Variants in POLRMT observed in about 807,000 individuals in gnomAD.
The protein encoded by POLRMT is RNA polymerase mitochondrial, also known as DNA-directed RNA polymerase, mitochondrial.
POLRMT carries 114 observed loss-of-function variants against 132.2 expected under a neutral mutation model. The ratio of observed to expected loss-of-function variants is 0.86; its 90% CI spans 0.74 to 1.01. The LOEUF (loss-of-function observed/expected upper bound fraction) is 1.01, where lower values mean the gene tolerates loss of function less well. Among genes scored for constraint, POLRMT ranks in the 50% least tolerant of loss-of-function variants. POLRMT has a pLI of 0.00. For missense variants in POLRMT, 2,003 were observed against 1,729.1 expected (o/e 1.16, Z -2.81); for synonymous variants, 1,020 against 773.4 (o/e 1.32, Z -5.29).
In POLRMT at chr19:631,066, G is replaced by A. The variant is rs1212193416; in HGVS notation, c.194-898C>T. Among the ~76,000 whole-genome samples the A allele has an allele frequency of 4.6e-5, 7 of 152,162 alleles. No homozygotes were observed. The East Asian group carries it at 1.4e-3, about 29-fold the overall frequency. The stretch of plus-strand genomic sequence containing the variant: ...ACCAGCTACTTGGGAGGCTGAGGCA[G>A]GAGAATTGCTTGAGCCTGGGAGGCA... On this transcript the variant is annotated intron_variant, in intron 2 of 20. Transcript: ENST00000588649.
rs1984540410 is a variant in POLRMT at position 621,109 on chromosome 19, A to G, written c.2589T>C (p.Phe863=). 2.5e-6 allele frequency: 4 copies of G among 1,609,592 alleles called. No individual in the cohort carries two copies. Among genetic ancestry groups the G allele is most frequent in the Non-Finnish European group, 3.4e-6 (4 of 1,178,436 alleles). Residue 863 remains phenylalanine (F), a synonymous_variant, in exon 10 of 21, where the codon TTT becomes TTC. Transcript: ENST00000588649. ...GGATGTCATCCATCACCTCCTCCGCAAAGGCCAGGCGCTTCCGCAGCGGCT... is the reference window on the plus strand; with the variant it reads ...GGATGTCATCCATCACCTCCTCCGCGAAGGCCAGGCGCTTCCGCAGCGGCT... ...KREPLRKRLA[F]AEEVMDDILD...
chr19:622,420 T>G (rs1431353998), intron 8 of POLRMT, 47 bp from the exon 9 acceptor site: 9 of 1,499,860 alleles, frequency 6.0e-6, no homozygotes, highest in Non-Finnish European at 8.0e-6. Context: ...GCCCCTGAGC[T>G]AGATGCCCCA....
At chr19:630,194 T>C in intron 2 of POLRMT, 26 bp from the exon 3 acceptor site, 2 of 1,550,636 alleles carry the variant, frequency 1.3e-6, no homozygotes, top group South Asian at 1.2e-5. Flanking sequence ...GGCGAGGACA[T>C]GAGAGGGACC....
Position 625,274 on chromosome 19 carries a change from T to C in POLRMT, c.823-20A>G. On this transcript the variant is annotated intron_variant, in intron 3 of 20. Transcript: ENST00000588649. ...GGCACCCTGGGAGACCAAGCCAGGG[T>C]GAGGGTCTGGGGGGATGGCCCAACC... 6.2e-7 allele frequency: 1 copy of C among 1,613,012 alleles called. No homozygotes were observed. The highest frequency in any genetic ancestry group is 8.5e-7 in the Non-Finnish European group (1 of 1,179,568).
At position 621,120 on chromosome 19, in the gene POLRMT, G is replaced by A. The variant is rs779119991; in HGVS notation, c.2578C>T (p.Arg860Cys). Residue 860 changes from arginine to cysteine, a missense_variant, in exon 10 of 21, where the codon CGC becomes TGC. Arg to Cys is a radical substitution (Grantham distance 180). Coordinates refer to ENST00000588649, the MANE Select transcript of POLRMT (RefSeq NM_005035.4). The stretch of plus-strand genomic sequence containing the variant: ...ATCACCTCCTCCGCAAAGGCCAGGC[G>A]CTTCCGCAGCGGCTCCCGCTTCTTC... ...GLKKREPLRKRLAFAEEVMDD... is the reference protein window; with the variant it reads ...GLKKREPLRKCLAFAEEVMDD... The A allele has an allele frequency of 2.0e-5, 32 of 1,610,422 alleles. No homozygotes were observed. Among genetic ancestry groups the A allele is most frequent in the South Asian group, 5.5e-5 (5 of 91,006 alleles).
chr19:618,080 C>T (rs929433764), intron 17 of POLRMT: 7 of 585,664 alleles, frequency 1.2e-5, no homozygotes, highest in African/African-American at 1.9e-5. Context: ...TGCCGCCCCC[C>T]ACGCTGCTGT....
At chr19:618,646 C>T (rs1984218754) in intron 16 of POLRMT, 59 bp downstream of exon 16, 2 of 1,600,698 alleles carry the variant, frequency 1.2e-6, no homozygotes. Context: ...TGGCCGCTGT[C>T]TCCACCGTGG....
chr19:623,476 G>A lies in POLRMT; in HGVS notation c.1268C>T (p.Pro423Leu). The A allele has an allele frequency of 6.2e-7, 1 of 1,612,386 alleles. No homozygotes were observed. The highest frequency in any genetic ancestry group is 1.1e-5 in the South Asian group (1 of 91,032). The stretch of plus-strand genomic sequence containing the variant: ...TACCGCGTGCTTGACCTCCTTGCTT[G>A]GCAACGTGGGCTTCTCCACGGACAC... Reference protein sequence around the residue: ...CVVSVEKPTLPSKEVKHARKT... With the variant: ...CVVSVEKPTLLSKEVKHARKT... The change falls in exon 6 of 21, where the codon CCA (proline) becomes CTA (leucine). Residue 423 changes from proline to leucine, a missense_variant. Physicochemically the swap from Pro to Leu is moderately conservative, Grantham distance 98. Coordinates refer to ENST00000588649, the MANE Select transcript of POLRMT (RefSeq NM_005035.4).
intron 3 of POLRMT, chr19:625,482 G>A (rs970121680): frequency 4.3e-5 from 22 of 512,092 alleles, no homozygotes; most frequent in Non-Finnish European, 6.8e-5. Flanking sequence ...GGAGGTTCAC[G>A]TTCCTCTGGG....
intron 5 of POLRMT, 140 bp downstream of exon 5, chr19:624,579 G>C (rs1600579318): frequency 1.0e-6 from 1 of 977,482 alleles, no homozygotes; most frequent in East Asian, 2.7e-5. Flanking sequence ...CATCTTCTCA[G>C]AGGAGGAAGG....
At chr19:618,380 C>A (rs1984185382) in intron 17 of POLRMT, 108 bp downstream of exon 17, 1 of 842,874 alleles carries the variant, frequency 1.2e-6, no homozygotes, top group Non-Finnish European at 1.8e-6. Context: ...CAGATCCACT[C>A]TGCCCAGTCC....
At position 623,704 on chromosome 19, in the gene POLRMT, C is replaced by T. The variant is rs759414259; in HGVS notation, c.1141-101G>A. The T allele has an allele frequency of 1.3e-5, 19 of 1,408,936 alleles. No homozygotes were observed. The African/African-American group carries it at 2.0e-4, about 15-fold the overall frequency. The allele number at this position is 1,408,936 out of a possible 1,614,324, so 87.3% of individuals were successfully genotyped here. A position where few individuals can be genotyped will look rare whatever the true frequency, so the allele number is the denominator to read the frequency against. On this transcript the variant is annotated intron_variant, in intron 5 of 20. Coordinates refer to ENST00000588649, the MANE Select transcript of POLRMT (RefSeq NM_005035.4). Reference sequence around the variant, plus strand: ...GGTGCACGCGTTTCTGCGTCTCCTGCAAGTTGCTGGTGGCTATCGCTGACG... The same window carrying T: ...GGTGCACGCGTTTCTGCGTCTCCTGTAAGTTGCTGGTGGCTATCGCTGACG...
rs921737749 is a variant in POLRMT at position 629,941 on chromosome 19, T to G, written c.421A>C (p.Lys141Gln). Residue 141 changes from lysine to glutamine, a missense_variant, in exon 3 of 21, where the codon AAG becomes CAG. Coordinates refer to ENST00000588649, the MANE Select transcript of POLRMT (RefSeq NM_005035.4). ...TGGAATGGCATCTGCAGCTTCGCCT[T>G]CAACCGCTGCATACGCATCTGCTGG... ...RTQQMRMQRL[K>Q]AKLQMPFQSG... The G allele has an allele frequency of 6.2e-7, 1 of 1,613,596 alleles. No individual in the cohort carries two copies. The highest frequency in any genetic ancestry group is 8.5e-7 in the Non-Finnish European group (1 of 1,180,016).
intron 3 of POLRMT, 61 bp from the exon 4 acceptor site, chr19:625,315 CT>C: frequency 1.3e-6 from 2 of 1,599,424 alleles, no homozygotes; most frequent in Non-Finnish European, 1.7e-6. Flanking sequence ...ATCCTCCCTG[CT>C]CCCTGGAGAC....
In POLRMT at chr19:621,423, G is replaced by A. The variant is rs1180380194; in HGVS notation, c.2275C>T (p.Arg759Cys). ...TTCTGGCAGTGCGCCAGCTCACGGC[G>A]CAGCTCGGCCTTGCGGGCGGGCGCG... ...SAAPARKAELRRELAHCQKVA... is the reference protein window; with the variant it reads ...SAAPARKAELCRELAHCQKVA... Residue 759 changes from arginine (R) to cysteine (C), a missense_variant, in exon 10 of 21, where the codon CGC (arginine) becomes TGC (cysteine). Transcript: ENST00000588649. The A allele has an allele frequency of 1.5e-5, 23 of 1,485,680 alleles. No individual in the cohort carries two copies. The highest frequency in any genetic ancestry group is 2.9e-5 in the African/African-American group (2 of 68,834). 92.0% of individuals were successfully genotyped at this position (1,485,680 alleles called of 1,614,324 possible). A position where few individuals can be genotyped will look rare whatever the true frequency, so the allele number is the denominator to read the frequency against.
chr19:630,562 CCCCGCCT>C, intron 2 of POLRMT, among the ~76,000 whole-genome samples: 1 of 152,120 alleles, frequency 6.6e-6, no homozygotes, highest in East Asian at 1.9e-4. Context: ...TCCAGGTGGC[CCCCGCCT>C]CCCCTGCCCC....
intron 14 of POLRMT, 39 bp downstream of exon 14, chr19:619,171 T>A: frequency 6.2e-7 from 1 of 1,610,098 alleles, no homozygotes; most frequent in Non-Finnish European, 8.5e-7. Context: ...TCCACTTGCT[T>A]AGGGAGTCCT....
Position 629,453 on chromosome 19 carries a change from G to A in POLRMT, c.822+87C>T, listed in dbSNP as rs904758992. 20 of 1,281,962 alleles carry A rather than the reference G, an allele frequency of 1.6e-5. No homozygotes were observed. In the Admixed American group the frequency reaches 1.9e-4, roughly 12 times the overall value. The allele number at this position is 1,281,962 out of a possible 1,614,324, so 79.4% of individuals were successfully genotyped here. A position where few individuals can be genotyped will look rare whatever the true frequency, so the allele number is the denominator to read the frequency against. ...AAAAACAAAGGACTTGAACCTGGGG[G>A]CTAAGAGAGAAAAGTCCAGTCTAAA... On this transcript the variant is annotated intron_variant, in intron 3 of 20. Coordinates refer to ENST00000588649, the MANE Select transcript of POLRMT (RefSeq NM_005035.4).
Position 622,364 on chromosome 19 carries a change from G to T in POLRMT, c.1636C>A (p.Pro546Thr), listed in dbSNP as rs1051539591. 11 of 1,550,016 alleles carry T rather than the reference G, an allele frequency of 7.1e-6. No homozygotes were observed. In the African/African-American group the frequency reaches 1.4e-4, roughly 19 times the overall value. The change falls in exon 9 of 21, where the codon CCC becomes ACC. Residue 546 changes from proline to threonine, a missense_variant. Pro to Thr is a conservative substitution (Grantham distance 38, BLOSUM62 -1). Coordinates refer to ENST00000588649, the MANE Select transcript of POLRMT (RefSeq NM_005035.4). The stretch of plus-strand genomic sequence containing the variant: ...TCCCAGTACTGCCGCGGCAGGCAGG[G>T]CTCGGGCACCTGTAGGACAGGGCGG... ...LLASDAEVPEPCLPRQYWEEL... is the reference protein window; with the variant it reads ...LLASDAEVPETCLPRQYWEEL...
Sources: allele counts gnomAD v4.1 joint callset (sites outside exome capture counted in the v4.1 genomes callset), GRCh38; gene constraint gnomAD v4.1.1; transcripts MANE v1.5; gene names NCBI Gene and HGNC (gene_info 2026-07-23, HGNC 2026-07-21).